KIF6: variants seen among roughly 807,000 people sequenced by gnomAD.
The protein encoded by KIF6 is kinesin-like protein KIF6.
A neutral mutation model predicts 112.7 loss-of-function variants in KIF6; 106 were observed. The observed-to-expected ratio is 0.94, with a 90% CI of 0.80 to 1.11. The LOEUF is 1.11. KIF6 is among the 50% of genes least tolerant of loss of function. The probability of loss-of-function intolerance (pLI) is 0.00; values close to 1 mark genes in which losing one functional copy is unlikely to be tolerated. For synonymous variants in KIF6, 339 were observed against 339.9 expected (o/e 1.00, Z 0.03); for missense variants, 929 against 964.0 (o/e 0.96, Z 0.48).
At chr6:39,348,857 A>C (rs1763993164) in intron 19 of KIF6, among the ~76,000 whole-genome samples, 1 of 152,132 alleles carries the variant, frequency 6.6e-6, no homozygotes, top group South Asian at 2.1e-4. Context: ...GCCGCTCTGG[A>C]GCTCGGGCAG....
chr6:39,337,176 T>TTTCTTTCTTTCC (rs1763023794), intron 22 of KIF6, among the ~76,000 whole-genome samples: 9 of 61,598 alleles, frequency 1.5e-4, no homozygotes, highest in African/African-American at 7.8e-4. Context: ...TCCTTCCTTC[T>TTTCTTTCTTTCC]TTCTTTCTTT....
At chr6:39,561,545 A>G (rs561164095) in intron 10 of KIF6, among the ~76,000 whole-genome samples, 93 of 151,750 alleles carry the variant, frequency 6.1e-4, no homozygotes, top group African/African-American at 2.2e-3. Context: ...TTCAGTAAAG[A>G]TGGGGTTTCA....
chr6:39,583,828 C>T (rs1781446238), intron 9 of KIF6, among the ~76,000 whole-genome samples: 1 of 151,282 alleles, frequency 6.6e-6, no homozygotes, highest in Non-Finnish European at 1.5e-5. Flanking sequence ...GATAGTTTAA[C>T]ATTTTCAATG....
At chr6:39,570,367 G>C (rs1780576976) in intron 10 of KIF6, among the ~76,000 whole-genome samples, 1 of 152,136 alleles carries the variant, frequency 6.6e-6, no homozygotes, top group Admixed American at 6.5e-5. Flanking sequence ...CCACCTGTTA[G>C]GTAGGAGCTC....
intron 13 of KIF6, among the ~76,000 whole-genome samples, chr6:39,464,607 C>T (rs557009422): frequency 2.0e-5 from 3 of 152,308 alleles, no homozygotes; most frequent in East Asian, 3.9e-4. Context: ...CTCCTCCTCA[C>T]CTAGCCAGGC....
intron 12 of KIF6, among the ~76,000 whole-genome samples, chr6:39,540,704 G>A (rs534694793): frequency 1.3e-5 from 2 of 152,340 alleles, no homozygotes; most frequent in East Asian, 1.9e-4. Context: ...TCATCCTGGC[G>A]GCCGGTGCGG....
intron 18 of KIF6, among the ~76,000 whole-genome samples, chr6:39,358,587 G>A (rs554118066): frequency 6.6e-5 from 10 of 152,306 alleles, no homozygotes; most frequent in Admixed American, 2.6e-4. Flanking sequence ...CTTGTCGACC[G>A]GTCAGTGGTG....
At chr6:39,409,852 C>T (rs1267340189) in intron 15 of KIF6, among the ~76,000 whole-genome samples, 2 of 152,218 alleles carry the variant, frequency 1.3e-5, no homozygotes, top group East Asian at 3.8e-4. Context: ...AAACCTTCTG[C>T]TATTTGCAGG....
chr6:39,637,960 G>C (rs1272715345), intron 4 of KIF6, among the ~76,000 whole-genome samples: 1 of 152,022 alleles, frequency 6.6e-6, no homozygotes, highest in Non-Finnish European at 1.5e-5. Context: ...AAGTACTAAG[G>C]AGACATTTAG....
At chr6:39,390,415 G>A (rs946323844) in intron 15 of KIF6, among the ~76,000 whole-genome samples, 14 of 152,272 alleles carry the variant, frequency 9.2e-5, no homozygotes, top group Non-Finnish European at 1.9e-4. Context: ...TACTACAGGC[G>A]AATTGAGTAG....
chr6:39,665,290 AG>A (rs1254263930), intron 3 of KIF6, among the ~76,000 whole-genome samples: 6 of 152,324 alleles, frequency 3.9e-5, no homozygotes, highest in African/African-American at 1.4e-4. Flanking sequence ...CTCTTCATTT[AG>A]AGAGGAAGTT....
At chr6:39,472,544 C>A (rs993080193) in intron 13 of KIF6, among the ~76,000 whole-genome samples, 4 of 152,166 alleles carry the variant, frequency 2.6e-5, no homozygotes, top group African/African-American at 4.8e-5. Flanking sequence ...GGGGCTTTTG[C>A]AGAATGAAAA....
intron 13 of KIF6, among the ~76,000 whole-genome samples, chr6:39,483,909 C>A (rs1191742852): frequency 2.0e-5 from 3 of 152,110 alleles, no homozygotes; most frequent in Non-Finnish European, 2.9e-5. Flanking sequence ...TGAATTCTGG[C>A]CGAGGGTCAG....
chr6:39,471,757 C>T (rs1481210166), intron 13 of KIF6, among the ~76,000 whole-genome samples: 3 of 152,164 alleles, frequency 2.0e-5, no homozygotes, highest in Non-Finnish European at 4.4e-5. Context: ...GTTCTTTTTA[C>T]ATATGTACCT....
chr6:39,578,278 T>C, intron 9 of KIF6, 119 bp from the exon 10 acceptor site: 1 of 671,556 alleles, frequency 1.5e-6, no homozygotes. Flanking sequence ...TGGGTAATGG[T>C]ATAAAAAGCC....
chr6:39,430,514 A>C (rs902856232), intron 14 of KIF6, among the ~76,000 whole-genome samples: 9 of 152,294 alleles, frequency 5.9e-5, no homozygotes, highest in African/African-American at 2.2e-4. Flanking sequence ...TATACCTCTA[A>C]GTAAGCTTCT....
rs1168578833 is a variant in KIF6, at chr6:39,454,925, C to A, written c.1646-23764G>T. On this transcript the variant is annotated intron_variant, in intron 13 of 22. Transcript: ENST00000287152. ...AGCAGTCTGAGATCAAACTGCAAGG[C>A]AGCAGCGAGGCTGGGGGAGGGGCGC... is the stretch of plus-strand genomic sequence containing the variant. Among the ~76,000 whole-genome samples, 4 of 152,294 alleles carry A rather than the reference C, an allele frequency of 2.6e-5. No individual in the cohort carries two copies. In the East Asian group the frequency reaches 7.7e-4, roughly 29 times the overall value.
At chr6:39,531,087 T>C (rs1175108340) in intron 13 of KIF6, among the ~76,000 whole-genome samples, 1 of 152,156 alleles carries the variant, frequency 6.6e-6, no homozygotes, top group Non-Finnish European at 1.5e-5. Flanking sequence ...ATCATTCCAT[T>C]TGTGAGCCTA....
intron 22 of KIF6, among the ~76,000 whole-genome samples, chr6:39,340,860 T>C (rs1763289622): frequency 6.6e-6 from 1 of 152,094 alleles, no homozygotes; most frequent in East Asian, 1.9e-4. Context: ...TGTAGGCTTC[T>C]TGAGGGGAGG....
Sources: allele counts gnomAD v4.1 joint callset (sites outside exome capture counted in the v4.1 genomes callset), GRCh38; gene constraint gnomAD v4.1.1; transcripts MANE v1.5; gene names NCBI Gene and HGNC (gene_info 2026-07-23, HGNC 2026-07-21).